Variants in MALT1 observed in about 807,000 individuals in gnomAD.
The protein encoded by MALT1 is MALT1 paracaspase.
MALT1 carries 36 observed loss-of-function variants against 85.5 expected under a neutral mutation model. That is an observed-to-expected ratio of 0.42 (90% CI 0.32 to 0.56). The LOEUF is 0.56. MALT1 is among the 20% of genes least tolerant of loss of function. The probability of loss-of-function intolerance (pLI) is 0.10; values close to 1 mark genes in which losing one functional copy is unlikely to be tolerated. For synonymous variants in MALT1, 359 were observed against 361.3 expected (o/e 0.99, Z 0.07); for missense variants, 716 against 981.6 (o/e 0.73, Z 3.62).
intron 10 of MALT1, among the ~76,000 whole-genome samples, chr18:58,727,085 C>T (rs1286882480): frequency 6.6e-6 from 1 of 152,200 alleles, no homozygotes; most frequent in African/African-American, 2.4e-5. Flanking sequence ...CTGTGCCTGG[C>T]ACACTAAAAA....
intron 2 of MALT1, among the ~76,000 whole-genome samples, chr18:58,694,473 T>C (rs2054558976): frequency 6.6e-6 from 1 of 152,232 alleles, no homozygotes; most frequent in Admixed American, 6.5e-5. Context: ...TCACATTCAG[T>C]ATAGACAAGG....
intron 15 of MALT1, among the ~76,000 whole-genome samples, chr18:58,744,774 T>TAA (rs2055345463): frequency 6.6e-6 from 1 of 152,180 alleles, no homozygotes; most frequent in Non-Finnish European, 1.5e-5. Flanking sequence ...AAATGTGCTA[T>TAA]AAATATGTCA....
At chr18:58,715,651 ATAG>A (rs1036447717) in intron 8 of MALT1, among the ~76,000 whole-genome samples, 1 of 152,158 alleles carries the variant, frequency 6.6e-6, no homozygotes, top group African/African-American at 2.4e-5. Flanking sequence ...GGGGTTAATA[ATAG>A]TAGGCACCTC....
At chr18:58,723,678 T>A (rs554322509) in intron 10 of MALT1, among the ~76,000 whole-genome samples, 1 of 152,326 alleles carries the variant, frequency 6.6e-6, no homozygotes, top group Non-Finnish European at 1.5e-5. Flanking sequence ...AACTATTGCA[T>A]GGTCTTTTCT....
At chr18:58,739,917 G>T in intron 13 of MALT1, among the ~76,000 whole-genome samples, 1 of 152,116 alleles carries the variant, frequency 6.6e-6, no homozygotes, top group Non-Finnish European at 1.5e-5. Flanking sequence ...TTGTTTACTG[G>T]GAACTTTTGT....
intron 8 of MALT1, among the ~76,000 whole-genome samples, chr18:58,714,458 CAG>C (rs541145989): frequency 5.3e-5 from 8 of 152,236 alleles, no homozygotes; most frequent in East Asian, 3.9e-4. Flanking sequence ...GACAGAGTGA[CAG>C]GGGTAACATT....
chr18:58,676,878 A>G (rs1437199406), intron 1 of MALT1, among the ~76,000 whole-genome samples: 1 of 152,200 alleles, frequency 6.6e-6, no homozygotes, highest in Admixed American at 6.5e-5. Context: ...CAAATAGTAA[A>G]TGTACCAAGA....
At chr18:58,709,617 G>A in intron 5 of MALT1, 61 bp downstream of exon 5, 1 of 1,323,478 alleles carries the variant, frequency 7.6e-7, no homozygotes, top group Non-Finnish European at 1.0e-6. Flanking sequence ...TGGTACAATT[G>A]AAATATAAGG....
intron 10 of MALT1, among the ~76,000 whole-genome samples, chr18:58,728,423 A>G (rs1222026889): frequency 6.6e-6 from 1 of 151,810 alleles, no homozygotes; most frequent in African/African-American, 2.4e-5. Context: ...TGGACAATAT[A>G]GTGAGACCTC....
In MALT1 at chr18:58,709,576, G is replaced by T; in HGVS notation, c.828+20G>T. The T allele has an allele frequency of 6.4e-7, 1 of 1,572,776 alleles. No homozygotes were observed. On this transcript the variant is annotated intron_variant, in intron 5 of 16. Coordinates refer to ENST00000649217, the MANE Select transcript of MALT1 (RefSeq NM_006785.4). ...TACATGGTAGGAAGTTGATTTTGGG[G>T]TCTTTTGGGGGAGTTAACATGTAAA...
chr18:58,733,410 T>G lies in MALT1; in HGVS notation c.1236T>G (p.Tyr412Ter). Residue 412 changes from tyrosine (Y) to a stop codon, truncating the protein, a stop_gained, in exon 11 of 17, where the codon TAT (tyrosine) becomes TAG (stop). Transcript: ENST00000649217. LOFTEE classifies it high-confidence loss of function. ...LDKGVYGLLY[Y>*]AGHGYENFGN... ...TCCTCTTTTCAGGGTTATTATATTATGCAGGACATGGTTATGAAAATTTTG... is the reference window on the plus strand; with the variant it reads ...TCCTCTTTTCAGGGTTATTATATTAGGCAGGACATGGTTATGAAAATTTTG... 1 of 1,606,804 alleles carries G rather than the reference T, an allele frequency of 6.2e-7. No homozygotes were observed. Among genetic ancestry groups the G allele is most frequent in the Non-Finnish European group, 8.5e-7 (1 of 1,177,148 alleles).
In MALT1 at chr18:58,751,994, T is replaced by G. The variant is rs2055452736; in HGVS notation, c.*4152T>G. The G allele has an allele frequency of 6.6e-6, 1 of 152,218 alleles. No individual in the cohort carries two copies. The highest frequency in any genetic ancestry group is 6.5e-5 in the Admixed American group (1 of 15,278). The allele number at this position is 152,218 out of a possible 1,614,324, so 9.4% of individuals were successfully genotyped here. ...AGAAAAGGTCCATTTAGACATTGCCTTCTTCCCCCATCTCTAATGCCTCTT... is the reference window on the plus strand; with the variant it reads ...AGAAAAGGTCCATTTAGACATTGCCGTCTTCCCCCATCTCTAATGCCTCTT... On this transcript the variant is annotated 3_prime_UTR_variant, in exon 17 of 17. Transcript: ENST00000649217.
chr18:58,671,923 G>T, intron 1 of MALT1, 71 bp downstream of exon 1: 1 of 1,082,490 alleles, frequency 9.2e-7, no homozygotes, highest in South Asian at 4.6e-5. Flanking sequence ...AGGTGGGGGC[G>T]CTGTCGGTGG....
chr18:58,716,219 G>A (rs1032010075), intron 9 of MALT1, among the ~76,000 whole-genome samples: 7 of 152,162 alleles, frequency 4.6e-5, no homozygotes, highest in Non-Finnish European at 8.8e-5. Context: ...ACAGACATGC[G>A]TACAAAAAGA....
Position 58,681,307 on chromosome 18 carries a change from C to G in MALT1, c.347C>G (p.Thr116Ser). Residue 116 changes from threonine to serine, a missense_variant, in exon 2 of 17, where the codon ACT becomes AGT. By Grantham distance (58) the Thr-to-Ser change is moderately conservative. Transcript: ENST00000649217. Reference sequence around the variant, plus strand: ...GATTTCCTGCAGGCTATGGAACACACTGAAGTTCTTCAGCTTCTCAGCCCC... The same window carrying G: ...GATTTCCTGCAGGCTATGGAACACAGTGAAGTTCTTCAGCTTCTCAGCCCC... ...LSDFLQAMEH[T>S]EVLQLLSPPG... 6.2e-7 allele frequency: 1 copy of G among 1,613,878 alleles called. No homozygotes were observed. Among genetic ancestry groups the G allele is most frequent in the Non-Finnish European group, 8.5e-7 (1 of 1,179,882 alleles).
chr18:58,671,530 T>G lies in MALT1; in HGVS notation c.-114T>G. On this transcript the variant is annotated 5_prime_UTR_variant, in exon 1 of 17. It adds an upstream start codon to the 5' untranslated region. Transcript: ENST00000649217. ...TGAGGGCCGTGCCGCGCTGCCAGAT[T>G]TGTTCTTCCGCCCCTGCCTCCGCGG... 5.0e-6 allele frequency: 3 copies of G among 605,460 alleles called. No individual in the cohort carries two copies. The highest frequency in any genetic ancestry group is 7.1e-6 in the Non-Finnish European group (3 of 424,518). 37.5% of individuals were successfully genotyped at this position (605,460 alleles called of 1,614,324 possible). A position where few individuals can be genotyped will look rare whatever the true frequency, so the allele number is the denominator to read the frequency against.
At chr18:58,727,277 G>T (rs987061096) in intron 10 of MALT1, among the ~76,000 whole-genome samples, 2 of 148,258 alleles carry the variant, frequency 1.3e-5, no homozygotes, top group African/African-American at 5.1e-5. Context: ...GGTTTTTTGG[G>T]TTTTTTTTTT....
At position 58,671,491 on chromosome 18, in the gene MALT1, G is replaced by A. The variant is rs1036194542; in HGVS notation, c.-153G>A. The A allele has an allele frequency of 6.8e-6, 3 of 443,684 alleles. No homozygotes were observed. The highest frequency in any genetic ancestry group is 9.3e-5 in the Admixed American group (2 of 21,484). 27.5% of individuals were successfully genotyped at this position (443,684 alleles called of 1,614,324 possible). ...AACCTGTCTAATTGGGGCGGGGAGC[G>A]GAGCTTCCTCCTCTGAGGGCCGTGC... On this transcript the variant is annotated 5_prime_UTR_variant, in exon 1 of 17. Transcript: ENST00000649217.
At position 58,732,089 on chromosome 18, in the gene MALT1, G is replaced by A. The variant is rs182870597; in HGVS notation, c.1223-1308G>A. On this transcript the variant is annotated intron_variant, in intron 10 of 16. Coordinates refer to ENST00000649217, the MANE Select transcript of MALT1 (RefSeq NM_006785.4). ...AAAGCCGCATTCTCTGCTAGGAGTC[G>A]GGGCCATAATTACAATGGATTAGCT... Among the ~76,000 whole-genome samples the A allele has an allele frequency of 2.6e-5, 4 of 152,182 alleles. No individual in the cohort carries two copies. The East Asian group carries it at 7.7e-4, about 29-fold the overall frequency.
Sources: gnomAD v4.1 joint callset for allele counts (sites outside exome capture counted in the v4.1 genomes callset) on GRCh38, gnomAD v4.1.1 for gene constraint, MANE v1.5 for transcripts, NCBI Gene and HGNC (gene_info 2026-07-23, HGNC 2026-07-21) for gene names.